Variants in CEP70 observed in about 807,000 individuals in gnomAD.
CEP70 encodes centrosomal protein 70.
In CEP70, 70 loss-of-function variants were observed where a neutral mutation model predicts 90.9. That is an observed-to-expected ratio of 0.77 (90% CI 0.64 to 0.94). The LOEUF (loss-of-function observed/expected upper bound fraction) is 0.94. Ranked by LOEUF, CEP70 falls within the 40% of genes least tolerant of loss-of-function variation. The probability of loss-of-function intolerance (pLI) is 0.00; values close to 1 mark genes in which losing one functional copy is unlikely to be tolerated. For synonymous variants in CEP70, 220 were observed against 228.3 expected (o/e 0.96, Z 0.33); for missense variants, 648 against 669.0 (o/e 0.97, Z 0.35).
At position 138,537,336 on chromosome 3, in the gene CEP70, C is replaced by A; in HGVS notation, c.477G>T (p.Gln159His). ...KEQKTLQVKC[Q>H]HYKKKRTEQE... ...GCTCCGTTCGTTTTTTCTTATAATGCTGGCACTTCACCTATAAGATATTTT... is the reference window on the plus strand; with the variant it reads ...GCTCCGTTCGTTTTTTCTTATAATGATGGCACTTCACCTATAAGATATTTT... Residue 159 changes from glutamine to histidine, a missense_variant, in exon 7 of 18, where the codon CAG becomes CAT. Physicochemically the swap from Gln to His is conservative, Grantham distance 24. Coordinates refer to ENST00000264982, the MANE Select transcript of CEP70 (RefSeq NM_024491.4). 1 of 1,589,960 alleles carries A rather than the reference C, an allele frequency of 6.3e-7. No individual in the cohort carries two copies. The highest frequency in any genetic ancestry group is 8.5e-7 in the Non-Finnish European group (1 of 1,170,462).
chr3:138,536,922 GATTA>G (rs1310417856), intron 7 of CEP70: 3 of 237,132 alleles, frequency 1.3e-5, no homozygotes, highest in African/African-American at 7.0e-5. Flanking sequence ...AGAAATGTCT[GATTA>G]ATTATGAATT....
In CEP70 at chr3:138,570,234, T is replaced by G. The variant is rs1213672911; in HGVS notation, c.465+84A>C. The G allele has an allele frequency of 9.2e-6, 8 of 868,200 alleles. No individual in the cohort carries two copies. In the Admixed American group the frequency reaches 9.8e-5, roughly 11 times the overall value. 53.8% of individuals were successfully genotyped at this position (868,200 alleles called of 1,614,324 possible). A position where few individuals can be genotyped will look rare whatever the true frequency, so the allele number is the denominator to read the frequency against. ...GCCAAAAAAGGTAAAAACCACTGAA[T>G]CAAACAACATGGAAGTCACCTGGGA... On this transcript the variant is annotated intron_variant, in intron 6 of 17. Transcript: ENST00000264982.
chr3:138,576,278 C>CA (rs1301903440), intron 2 of CEP70, among the ~76,000 whole-genome samples: 5 of 151,138 alleles, frequency 3.3e-5, no homozygotes, highest in African/African-American at 4.8e-5. Flanking sequence ...AAATGGAAAG[C>CA]AAAAAAAAGC....
intron 6 of CEP70, among the ~76,000 whole-genome samples, chr3:138,552,394 A>T (rs2039686250): frequency 6.6e-6 from 1 of 152,228 alleles, no homozygotes; most frequent in Non-Finnish European, 1.5e-5. Context: ...CAGCATATGG[A>T]ACTATCTCCA....
intron 7 of CEP70, 170 bp downstream of exon 7, chr3:138,537,001 CAAAAAAA>C: frequency 4.1e-6 from 1 of 242,054 alleles, no homozygotes; most frequent in Non-Finnish European, 7.1e-6. Context: ...ACCTCTAGAA[CAAAAAAA>C]AAAAAAAAAA....
At chr3:138,568,935 C>T (rs146812123) in intron 6 of CEP70, among the ~76,000 whole-genome samples, 93 of 151,478 alleles carry the variant, frequency 6.1e-4, no homozygotes, top group African/African-American at 2.0e-3. Flanking sequence ...GCCTAGATCA[C>T]ACCACTGCAC....
chr3:138,561,767 T>G (rs2040423678), intron 6 of CEP70, among the ~76,000 whole-genome samples: 1 of 152,076 alleles, frequency 6.6e-6, no homozygotes, highest in Non-Finnish European at 1.5e-5. Flanking sequence ...GGCTCACCCC[T>G]GTAATCCCAG....
At chr3:138,508,339 G>A in intron 12 of CEP70, 100 bp downstream of exon 12, 3 of 761,420 alleles carry the variant, frequency 3.9e-6, no homozygotes, top group African/African-American at 3.4e-5. Flanking sequence ...AATATGAGGT[G>A]CAAGTATTCC....
At chr3:138,549,407 G>T (rs900908041) in intron 6 of CEP70, among the ~76,000 whole-genome samples, 1 of 151,776 alleles carries the variant, frequency 6.6e-6, no homozygotes, top group Non-Finnish European at 1.5e-5. Flanking sequence ...TTTGGATTGC[G>T]TGGGAGCTGG....
At chr3:138,500,323 C>T in intron 15 of CEP70, 76 bp downstream of exon 15, 1 of 1,518,482 alleles carries the variant, frequency 6.6e-7, no homozygotes, top group Non-Finnish European at 8.9e-7. Context: ...TTCACTTAAA[C>T]ATTTTTTAAT....
At chr3:138,569,740 C>T (rs547207695) in intron 6 of CEP70, among the ~76,000 whole-genome samples, 4 of 152,134 alleles carry the variant, frequency 2.6e-5, no homozygotes, top group East Asian at 1.9e-4. Flanking sequence ...TGGTGGCATG[C>T]GCCTGTAGTC....
At chr3:138,578,895 G>C (rs958619037) in intron 2 of CEP70, among the ~76,000 whole-genome samples, 2 of 152,194 alleles carry the variant, frequency 1.3e-5, no homozygotes, top group African/African-American at 4.8e-5. Flanking sequence ...TTACAAAAAA[G>C]CACCTTCATA....
intron 6 of CEP70, among the ~76,000 whole-genome samples, chr3:138,546,247 A>G (rs2039190017): frequency 6.6e-6 from 1 of 152,198 alleles, no homozygotes; most frequent in South Asian, 2.1e-4. Flanking sequence ...ACCTACGTTG[A>G]AATACTGGGG....
At chr3:138,585,914 A>T (rs1455304448) in intron 2 of CEP70, among the ~76,000 whole-genome samples, 2 of 152,206 alleles carry the variant, frequency 1.3e-5, no homozygotes, top group African/African-American at 4.8e-5. Flanking sequence ...CTAAGCCCTC[A>T]AACTATGAAA....
intron 6 of CEP70, among the ~76,000 whole-genome samples, chr3:138,539,604 A>T (rs1166935450): frequency 6.6e-6 from 1 of 152,210 alleles, no homozygotes; most frequent in Non-Finnish European, 1.5e-5. Flanking sequence ...GTGAGCCTGA[A>T]GACAGGCTAC....
At chr3:138,544,386 T>C (rs1485936740) in intron 6 of CEP70, among the ~76,000 whole-genome samples, 3 of 147,792 alleles carry the variant, frequency 2.0e-5, no homozygotes, top group African/African-American at 7.4e-5. Context: ...GGTGAGGATA[T>C]AGAGAAAGAG....
chr3:138,578,726 AT>A (rs1382824249), intron 2 of CEP70, among the ~76,000 whole-genome samples: 1 of 152,262 alleles, frequency 6.6e-6, no homozygotes, highest in Non-Finnish European at 1.5e-5. Context: ...CTCAACCATT[AT>A]AAAAGTTCAG....
rs557428575 is a variant in CEP70 at position 138,579,457 on chromosome 3, T to C, written c.-5-6525A>G. Among the ~76,000 whole-genome samples the C allele has an allele frequency of 5.4e-4, 82 of 151,638 alleles. 3 individuals are homozygous for C. The highest frequency in any genetic ancestry group is 3.1e-3 in the South Asian group (15 of 4,800). ...AGCTTGCAGTTCCAAAAGTAAACCT[T>C]TCCTTCTGCTTGAGAAGACAAGAGG... On this transcript the variant is annotated intron_variant, in intron 2 of 17. Coordinates refer to ENST00000264982, the MANE Select transcript of CEP70 (RefSeq NM_024491.4).
chr3:138,532,839 T>C (rs978434592), intron 7 of CEP70, among the ~76,000 whole-genome samples: 1 of 152,328 alleles, frequency 6.6e-6, no homozygotes, highest in South Asian at 2.1e-4. Context: ...ATTCTACCTC[T>C]AGCAATATCT....
Sources: gnomAD v4.1 joint callset for allele counts (sites outside exome capture counted in the v4.1 genomes callset) on GRCh38, gnomAD v4.1.1 for gene constraint, MANE v1.5 for transcripts, NCBI Gene and HGNC (gene_info 2026-07-23, HGNC 2026-07-21) for gene names.